Variants in SGCD observed in about 807,000 individuals in gnomAD.
SGCD encodes delta-sarcoglycan.
A neutral mutation model predicts 36.6 loss-of-function variants in SGCD; 18 were observed. The ratio of observed to expected loss-of-function variants is 0.49; its 90% CI spans 0.34 to 0.73. The LOEUF is 0.73. Among genes scored for constraint, SGCD ranks in the 30% least tolerant of loss-of-function variants. SGCD has a pLI of 0.01. For missense variants in SGCD, 387 were observed against 346.7 expected, an observed-to-expected ratio of 1.12 and a Z score of -0.92; for synonymous variants, 133 against 130.6, an observed-to-expected ratio of 1.02 and a Z score of -0.12.
At chr5:156,117,602 A>C (rs1025974455) in intron 1 of SGCD, among the ~76,000 whole-genome samples, 1 of 152,176 alleles carries the variant, frequency 6.6e-6, no homozygotes, top group African/African-American at 2.4e-5. Context: ...TCTAGATGCT[A>C]TTCTAAGTGC....
chr5:156,532,210 A>C, intron 4 of SGCD, among the ~76,000 whole-genome samples: 1 of 152,236 alleles, frequency 6.6e-6, no homozygotes, highest in East Asian at 1.9e-4. Context: ...GGGAAGTTTT[A>C]AGGTGTTCCT....
intron 3 of SGCD, among the ~76,000 whole-genome samples, chr5:156,159,179 C>A (rs895754017): frequency 2.6e-5 from 4 of 151,482 alleles, no homozygotes; most frequent in Non-Finnish European, 5.9e-5. Context: ...AATGAAATAA[C>A]CAAAGAGCCT....
chr5:155,829,183 C>T, the SGCD span, among the ~76,000 whole-genome samples: 3 of 152,030 alleles, frequency 2.0e-5, no homozygotes, highest in Non-Finnish European at 2.9e-5. Context: ...ATTTCCTAGT[C>T]CTGGGGGCAG....
intron 7 of SGCD, among the ~76,000 whole-genome samples, chr5:156,682,156 G>T (rs1036359029): frequency 6.6e-6 from 1 of 152,120 alleles, no homozygotes; most frequent in Non-Finnish European, 1.5e-5. Flanking sequence ...CTTATTCAAG[G>T]ATTTGTAACT....
intron 1 of SGCD, among the ~76,000 whole-genome samples, chr5:155,969,188 C>T (rs529276035): frequency 6.6e-6 from 1 of 152,162 alleles, no homozygotes; most frequent in Non-Finnish European, 1.5e-5. Context: ...GGTTTTGTTG[C>T]ACTGCTACAT....
At chr5:156,046,341 A>C (rs1208404505) in intron 1 of SGCD, among the ~76,000 whole-genome samples, 1 of 152,042 alleles carries the variant, frequency 6.6e-6, no homozygotes, top group African/African-American at 2.4e-5. Flanking sequence ...TTTCATCTAC[A>C]CTTCTGCTGT....
rs74505645 is a variant in SGCD at position 156,570,590 on chromosome 5, G to A, written c.295-18641G>A. ...TCTGTGGAGTACATGAATGCTTTTTGCCTTAAATACTGTTTTGTCTAATAC... is the reference window on the plus strand; with the variant it reads ...TCTGTGGAGTACATGAATGCTTTTTACCTTAAATACTGTTTTGTCTAATAC... On this transcript the variant is annotated intron_variant, in intron 4 of 8. Transcript: ENST00000337851. Among the ~76,000 whole-genome samples the A allele has an allele frequency of 8.6e-3, 1,315 of 152,026 alleles. 8 individuals are homozygous for A. The highest frequency in any genetic ancestry group is 0.03 in the African/African-American group (1,245 of 41,462).
chr5:155,736,445 CCTCTCTTTA>C, the SGCD span, among the ~76,000 whole-genome samples: 1 of 152,164 alleles, frequency 6.6e-6, no homozygotes, highest in African/African-American at 2.4e-5. Flanking sequence ...GGCAGAGGTA[CCTCTCTTTA>C]TTCCCCTAAC....
chr5:156,564,290 A>C (rs890616157), intron 4 of SGCD, among the ~76,000 whole-genome samples: 11 of 152,126 alleles, frequency 7.2e-5, no homozygotes, highest in African/African-American at 2.4e-4. Context: ...TCTACTAAAA[A>C]TACAAAAAAA....
chr5:156,239,448 T>C (rs1216440129), intron 3 of SGCD, among the ~76,000 whole-genome samples: 1 of 135,060 alleles, frequency 7.4e-6, no homozygotes, highest in African/African-American at 2.8e-5. Context: ...CAAGGGGGAA[T>C]AGTATAGTGC....
chr5:156,623,002 A>G (rs934642915), intron 6 of SGCD, among the ~76,000 whole-genome samples: 5 of 152,190 alleles, frequency 3.3e-5, no homozygotes, highest in Non-Finnish European at 7.3e-5. Flanking sequence ...GAAGCCCGAC[A>G]GTCACATTTA....
chr5:155,989,905 A>C (rs910211680), intron 1 of SGCD, among the ~76,000 whole-genome samples: 1 of 152,244 alleles, frequency 6.6e-6, no homozygotes, highest in Non-Finnish European at 1.5e-5. Context: ...TTCGACTTAT[A>C]GAATTCCACT....
the SGCD span, among the ~76,000 whole-genome samples, chr5:155,829,480 C>T: frequency 6.6e-6 from 1 of 152,176 alleles, no homozygotes. Flanking sequence ...AAGAAAATTT[C>T]CCCCAGACAC....
At chr5:156,044,215 T>A (rs569145174) in intron 1 of SGCD, among the ~76,000 whole-genome samples, 2 of 151,998 alleles carry the variant, frequency 1.3e-5, no homozygotes, top group African/African-American at 4.8e-5. Context: ...ACATTTCAGG[T>A]AGGAGGGAGT....
chr5:156,096,111 T>A (rs1277935446), intron 1 of SGCD, among the ~76,000 whole-genome samples: 1 of 152,106 alleles, frequency 6.6e-6, no homozygotes, highest in Non-Finnish European at 1.5e-5. Flanking sequence ...TTCAAGGAAG[T>A]TCCCCAGAGC....
chr5:156,699,171 A>G (rs1056274867), intron 7 of SGCD, among the ~76,000 whole-genome samples: 5 of 152,184 alleles, frequency 3.3e-5, no homozygotes, highest in African/African-American at 4.8e-5. Context: ...ACACTTTTGT[A>G]TGAGAAATTG....
intron 7 of SGCD, among the ~76,000 whole-genome samples, chr5:156,730,350 G>C (rs182654725): frequency 5.3e-5 from 8 of 152,020 alleles, no homozygotes; most frequent in African/African-American, 1.9e-4. Context: ...GTAACCATTC[G>C]TTATTTTCCC....
chr5:156,433,284 T>C (rs535969702), intron 3 of SGCD, among the ~76,000 whole-genome samples: 1 of 152,270 alleles, frequency 6.6e-6, no homozygotes, highest in Admixed American at 6.5e-5. Flanking sequence ...TGAAATGGCA[T>C]CTCTCTAGTA....
At chr5:155,901,083 G>T (rs574965359) in intron 1 of SGCD, among the ~76,000 whole-genome samples, 1 of 152,190 alleles carries the variant, frequency 6.6e-6, no homozygotes, top group East Asian at 1.9e-4. Context: ...CACCCAGACA[G>T]CAGGATTGCT....
Sources: allele counts gnomAD v4.1 joint callset (sites outside exome capture counted in the v4.1 genomes callset), GRCh38; gene constraint gnomAD v4.1.1; transcripts MANE v1.5; gene names NCBI Gene and HGNC (gene_info 2026-07-23, HGNC 2026-07-21).